DGLUCY: variants seen among roughly 807,000 people sequenced by gnomAD.
DGLUCY encodes the protein D-glutamate cyclase.
DGLUCY carries 58 observed loss-of-function variants against 58.5 expected under a neutral mutation model. The observed-to-expected ratio is 0.99, with a 90% confidence interval of 0.80 to 1.23. DGLUCY has a LOEUF of 1.23. DGLUCY is among the 50% of genes most tolerant of loss of function. The pLI is 0.00. For missense variants in DGLUCY, 779 were observed against 784.7 expected, an observed-to-expected ratio of 0.99 and a Z score of 0.09; for synonymous variants, 325 against 314.1, an observed-to-expected ratio of 1.03 and a Z score of -0.37.
chr14:91,208,545 T>C (rs749078338), intron 12 of DGLUCY, among the ~76,000 whole-genome samples: 4 of 152,074 alleles, frequency 2.6e-5, no homozygotes, highest in Non-Finnish European at 4.4e-5. Flanking sequence ...GCCTAGGAAT[T>C]TGATACCAGC....
At position 91,184,466 on chromosome 14, in the gene DGLUCY, A is replaced by G. The variant is rs552148776; in HGVS notation, c.934+3077A>G. On this transcript the variant is annotated intron_variant, in intron 8 of 13. Coordinates refer to ENST00000256324, the MANE Select transcript of DGLUCY (RefSeq NM_001102368.3). ...CTACTGGGGAGGCTGAGGTGTGCAG[A>G]TCGCTTGAGTTCAGGAATTTGAAGC... Among the ~76,000 whole-genome samples, 31 of 150,798 alleles carry G rather than the reference A, an allele frequency of 2.1e-4. No homozygotes were observed. In the South Asian group the frequency reaches 3.4e-3, roughly 16 times the overall value.
Position 91,160,215 on chromosome 14 carries a change from C to G in DGLUCY, c.-29-51C>G, listed in dbSNP as rs1314054483. The G allele has an allele frequency of 4.4e-6, 5 of 1,125,934 alleles. No individual in the cohort carries two copies. In the African/African-American group the frequency reaches 7.7e-5, roughly 17 times the overall value. The allele number at this position is 1,125,934 out of a possible 1,614,324, so 69.7% of individuals were successfully genotyped here. A position where few individuals can be genotyped will look rare whatever the true frequency, so the allele number is the denominator to read the frequency against. Reference sequence around the variant, plus strand: ...AAGCTATGTGAGGCTGAATCTGCTGCCTTCAGGGGGCCACACTTTCTAATT... The same window carrying G: ...AAGCTATGTGAGGCTGAATCTGCTGGCTTCAGGGGGCCACACTTTCTAATT... On this transcript the variant is annotated intron_variant, in intron 2 of 13. Coordinates refer to ENST00000256324, the MANE Select transcript of DGLUCY (RefSeq NM_001102368.3).
At chr14:91,135,620 A>C (rs2046280428) in intron 1 of DGLUCY, among the ~76,000 whole-genome samples, 2 of 143,126 alleles carry the variant, frequency 1.4e-5, no homozygotes, top group Non-Finnish European at 3.0e-5. Context: ...ACTGCACTCT[A>C]GCCTGGGCAA....
At chr14:91,111,442 C>A (rs898383977), upstream of DGLUCY, among the ~76,000 whole-genome samples, 2 of 151,890 alleles carry the variant, frequency 1.3e-5, no homozygotes, top group Non-Finnish European at 2.9e-5. Context: ...ACTACCACAC[C>A]CAGCTAATTT....
chr14:91,072,934 G>A (rs1012490434), intron 1 of DGLUCY, among the ~76,000 whole-genome samples: 4 of 152,158 alleles, frequency 2.6e-5, no homozygotes, highest in South Asian at 2.1e-4. Flanking sequence ...GCATGAACCC[G>A]GCAGGCAGAG....
At chr14:91,080,265 A>G (rs548151627) in intron 1 of DGLUCY, among the ~76,000 whole-genome samples, 1 of 152,364 alleles carries the variant, frequency 6.6e-6, no homozygotes, top group Admixed American at 6.5e-5. Flanking sequence ...GTGTACAAGT[A>G]TCTGTTTGAG....
rs78295974 is a variant in DGLUCY at position 91,221,736 on chromosome 14, T to A, written c.1717-2948T>A. Among the ~76,000 whole-genome samples the A allele has an allele frequency of 5.0e-3, 767 of 152,218 alleles. 3 individuals carry two copies. The highest frequency in any genetic ancestry group is 0.018 in the South Asian group (85 of 4,820). ...TCAGCACTTTCATTCACCCTACTAT[T>A]CTTTATAACTTATTTTTGTTAAAGT... On this transcript the variant is annotated intron_variant, in intron 13 of 13. Transcript: ENST00000256324.
At chr14:91,113,877 G>A (rs138947039), upstream of DGLUCY, among the ~76,000 whole-genome samples, 3 of 152,214 alleles carry the variant, frequency 2.0e-5, no homozygotes, top group Non-Finnish European at 4.4e-5. Context: ...AATTACATCT[G>A]CATTTCTGGG....
rs868852692 is a variant in DGLUCY, at chr14:91,127,081, G to A, written c.-82+12798G>A. ...TTTTTTTTTTTTTTTTTTTGAGATA[G>A]AATTTCCCTCTGTCACCCAGGCTGA... On this transcript the variant is annotated intron_variant, in intron 1 of 13. Transcript: ENST00000256324. Among the ~76,000 whole-genome samples, 90 of 102,396 alleles carry A rather than the reference G, an allele frequency of 8.8e-4. 2 individuals carry two copies. The South Asian group carries it at 9.3e-3, about 11-fold the overall frequency. 67.2% of individuals were successfully genotyped at this position (102,396 alleles called of 152,430 possible).
Position 91,178,482 on chromosome 14 carries a change from C to A in DGLUCY, c.730+2426C>A, listed in dbSNP as rs191496832. Among the ~76,000 whole-genome samples the A allele has an allele frequency of 1.4e-4, 21 of 152,162 alleles. 1 individual carries two copies. The highest frequency in any genetic ancestry group is 3.9e-4 in the Admixed American group (6 of 15,276). On this transcript the variant is annotated intron_variant, in intron 7 of 13. Coordinates refer to ENST00000256324, the MANE Select transcript of DGLUCY (RefSeq NM_001102368.3). The stretch of plus-strand genomic sequence containing the variant: ...CCTACCTTGAACTTCAATATTTAAA[C>A]TTCTATTAGCAATAGATTATGTGCA...
intron 9 of DGLUCY, among the ~76,000 whole-genome samples, chr14:91,192,734 G>A (rs139671348): frequency 3.6e-4 from 55 of 152,328 alleles, no homozygotes; most frequent in Admixed American, 2.0e-4. Context: ...AACCCTGACA[G>A]TGGAGGTTGC....
chr14:91,181,506 T>C, intron 8 of DGLUCY, 117 bp downstream of exon 8: 1 of 1,036,440 alleles, frequency 9.6e-7, no homozygotes. Context: ...CACAGGATGA[T>C]TTTTTAAATG....
chr14:91,073,674 G>A (rs1595609145), intron 1 of DGLUCY, among the ~76,000 whole-genome samples: 1 of 152,136 alleles, frequency 6.6e-6, no homozygotes, highest in East Asian at 1.9e-4. Flanking sequence ...TGAAAATGGA[G>A]GGGACCAAGT....
At chr14:91,201,728 G>A (rs1159485803) in intron 11 of DGLUCY, among the ~76,000 whole-genome samples, 5 of 152,050 alleles carry the variant, frequency 3.3e-5, no homozygotes, top group Non-Finnish European at 7.4e-5. Context: ...ACAGGCATGA[G>A]CCACTGAGCC....
At chr14:91,180,288 C>T (rs186564625) in intron 7 of DGLUCY, among the ~76,000 whole-genome samples, 12 of 151,636 alleles carry the variant, frequency 7.9e-5, no homozygotes, top group Admixed American at 1.3e-4. Flanking sequence ...AGAATAAAGT[C>T]GGGCTGGGCG....
chr14:91,114,036 C>G (rs528163679), upstream of DGLUCY: 3 of 152,406 alleles, frequency 2.0e-5, no homozygotes, highest in African/African-American at 7.2e-5. Context: ...GGCTAGCTGC[C>G]GAGGAGACCA....
intron 1 of DGLUCY, among the ~76,000 whole-genome samples, chr14:91,087,908 GA>G (rs1359473515): frequency 6.6e-6 from 1 of 152,192 alleles, no homozygotes; most frequent in Non-Finnish European, 1.5e-5. Flanking sequence ...CAGGGAACAA[GA>G]AATGCTTTTC....
At chr14:91,168,995 G>A (rs1022216413) in intron 4 of DGLUCY, among the ~76,000 whole-genome samples, 1 of 151,962 alleles carries the variant, frequency 6.6e-6, no homozygotes, top group African/African-American at 2.4e-5. Flanking sequence ...GCTGAGGTGG[G>A]AGAATCACTT....
intron 13 of DGLUCY, among the ~76,000 whole-genome samples, chr14:91,222,134 A>G (rs1435653792): frequency 1.3e-5 from 2 of 152,196 alleles, no homozygotes; most frequent in Non-Finnish European, 2.9e-5. Context: ...CCTGCCCTCC[A>G]GCTGCTCCCT....
Sources: gnomAD v4.1 joint callset for allele counts (sites outside exome capture counted in the v4.1 genomes callset) on GRCh38, gnomAD v4.1.1 for gene constraint, MANE v1.5 for transcripts, NCBI Gene and HGNC (gene_info 2026-07-23, HGNC 2026-07-21) for gene names.